The following RGS6 variants were observed in gnomAD, a reference collection of about 807,000 sequenced individuals.
The protein encoded by RGS6 is regulator of G-protein signaling 6.
Under a neutral mutation model 78.5 loss-of-function variants are expected in RGS6, and 30 were observed. The ratio of observed to expected loss-of-function variants is 0.38; its 90% CI spans 0.29 to 0.52. The LOEUF (loss-of-function observed/expected upper bound fraction) is 0.52, where lower values mean the gene tolerates loss of function less well. RGS6 is among the 20% of genes least tolerant of loss of function. RGS6 has a pLI of 0.85. For synonymous variants in RGS6, 206 were observed against 206.0 expected (o/e 1.00, Z 0.00); for missense variants, 495 against 609.7 (o/e 0.81, Z 1.98).
At chr14:72,058,752 A>G (rs1246178090) in intron 2 of RGS6, among the ~76,000 whole-genome samples, 1 of 152,150 alleles carries the variant, frequency 6.6e-6, no homozygotes, top group Non-Finnish European at 1.5e-5. Context: ...TGTTGTGTCA[A>G]TTATCTAACA....
intron 2 of RGS6, among the ~76,000 whole-genome samples, chr14:71,993,961 A>C (rs2095081232): frequency 6.6e-6 from 1 of 151,712 alleles, no homozygotes; most frequent in Admixed American, 6.6e-5. Flanking sequence ...TCTAGGACAG[A>C]AGAACCATTT....
Position 72,289,368 on chromosome 14 carries a change from C to T in RGS6, c.85-62727C>T, listed in dbSNP as rs146299305. On this transcript the variant is annotated intron_variant, in intron 2 of 17. Coordinates refer to ENST00000553525, the MANE Select transcript of RGS6 (RefSeq NM_001204424.2). ...CTCTCTCACTCTCTCTCCCCCTCCC[C>T]GTTTTCCTGTGGTATTGAAAGCTTA... Among the ~76,000 whole-genome samples the T allele has an allele frequency of 1.5e-4, 22 of 151,516 alleles. No homozygotes were observed. The East Asian group carries it at 1.6e-3, about 11-fold the overall frequency.
chr14:72,453,778 G>A (rs941448628), intron 3 of RGS6, among the ~76,000 whole-genome samples: 6 of 151,916 alleles, frequency 3.9e-5, no homozygotes, highest in African/African-American at 7.3e-5. Context: ...CCACATGGGC[G>A]TAATGTCCAT....
chr14:72,250,494 AAAAT>A (rs2055469005), intron 2 of RGS6, among the ~76,000 whole-genome samples: 1 of 152,070 alleles, frequency 6.6e-6, no homozygotes, highest in African/African-American at 2.4e-5. Flanking sequence ...ACTATGAAGT[AAAAT>A]AAATCATAGT....
chr14:72,295,866 A>G (rs1449126688), intron 2 of RGS6, among the ~76,000 whole-genome samples: 1 of 152,226 alleles, frequency 6.6e-6, no homozygotes, highest in African/African-American at 2.4e-5. Context: ...TGTTTCAGTT[A>G]TTTGTTTGTT....
chr14:71,910,626 C>T, the RGS6 span, among the ~76,000 whole-genome samples: 1 of 152,092 alleles, frequency 6.6e-6, no homozygotes, highest in Non-Finnish European at 1.5e-5. Context: ...TACGTTTTTC[C>T]CCCAGCAAGT....
intron 13 of RGS6, among the ~76,000 whole-genome samples, chr14:72,502,943 AT>A (rs2096748052): frequency 1.3e-5 from 2 of 152,094 alleles, no homozygotes; most frequent in Non-Finnish European, 2.9e-5. Context: ...TTATTTCGTA[AT>A]TTTTCTAATA....
chr14:72,114,611 C>T lies in RGS6; in HGVS notation c.84+149736C>T, dbSNP rs543218026. Among the ~76,000 whole-genome samples the T allele has an allele frequency of 3.9e-5, 6 of 152,232 alleles. No individual in the cohort carries two copies. In the South Asian group the frequency reaches 6.2e-4, roughly 16 times the overall value. On this transcript the variant is annotated intron_variant, in intron 2 of 17. Transcript: ENST00000553525. ...GTATCTCAACAATTAAAAAATGGTG[C>T]GGGAGTTACCCAGTAGAATATTTAG... is the stretch of plus-strand genomic sequence containing the variant.
At chr14:72,355,249 A>C (rs543743038) in intron 3 of RGS6, among the ~76,000 whole-genome samples, 2 of 149,996 alleles carry the variant, frequency 1.3e-5, no homozygotes, top group Non-Finnish European at 3.0e-5. Flanking sequence ...GCTGGAGTGC[A>C]GTGGCATGAT....
At chr14:71,990,963 C>A in intron 2 of RGS6, 1 of 416,794 alleles carries the variant, frequency 2.4e-6, no homozygotes, top group Non-Finnish European at 4.8e-6. Flanking sequence ...TTTGACAGGC[C>A]TAATCACTCA....
At chr14:72,405,655 G>C (rs8015756) in intron 3 of RGS6, among the ~76,000 whole-genome samples, 56,431 of 152,086 alleles carry the variant, frequency 0.37, 11,547 homozygotes, top group African/African-American at 0.54. Flanking sequence ...TTGACTGCCT[G>C]TAACCCATGT....
chr14:72,294,914 A>G (rs2152353706), intron 2 of RGS6, among the ~76,000 whole-genome samples: 1 of 152,306 alleles, frequency 6.6e-6, no homozygotes, highest in East Asian at 1.9e-4. Context: ...AAACCATAGC[A>G]GCCACCACTC....
At chr14:71,935,522 T>C (rs2088959218) in intron 1 of RGS6, among the ~76,000 whole-genome samples, 2 of 152,252 alleles carry the variant, frequency 1.3e-5, no homozygotes, top group African/African-American at 2.4e-5. Flanking sequence ...TATTAGTTTT[T>C]ACTGGTGGTC....
At chr14:72,271,499 C>T (rs1267594147) in intron 2 of RGS6, among the ~76,000 whole-genome samples, 1 of 152,182 alleles carries the variant, frequency 6.6e-6, no homozygotes, top group Admixed American at 6.5e-5. Flanking sequence ...GGGCACACAG[C>T]CAAACCATAT....
intron 2 of RGS6, among the ~76,000 whole-genome samples, chr14:72,326,091 A>T (rs992482745): frequency 1.3e-5 from 2 of 152,328 alleles, no homozygotes; most frequent in East Asian, 1.9e-4. Flanking sequence ...ACTTGTGTGA[A>T]TGATGTATGT....
intron 2 of RGS6, among the ~76,000 whole-genome samples, chr14:72,149,914 C>T (rs868044849): frequency 1.3e-5 from 2 of 152,304 alleles, no homozygotes; most frequent in African/African-American, 4.8e-5. Context: ...TATCCTTTAG[C>T]AGATTAAGAT....
downstream of RGS6, among the ~76,000 whole-genome samples, chr14:72,568,920 G>C (rs899258715): frequency 6.6e-6 from 1 of 152,216 alleles, no homozygotes; most frequent in Non-Finnish European, 1.5e-5. Context: ...AATAAAGCCT[G>C]GTTCTTCTCT....
In RGS6 at chr14:72,157,807, A is replaced by C. The variant is rs190075657; in HGVS notation, c.84+192932A>C. 5.9e-5 allele frequency among the ~76,000 whole-genome samples: 9 copies of C among 152,190 alleles called. No homozygotes were observed. The East Asian group carries it at 1.7e-3, about 29-fold the overall frequency. On this transcript the variant is annotated intron_variant, in intron 2 of 17. Transcript: ENST00000553525. Reference sequence around the variant, plus strand: ...GGGAACAATGTAAGTGAGTGTAAAGATGCAGGACCACCATTCCTTTGTTCA... The same window carrying C: ...GGGAACAATGTAAGTGAGTGTAAAGCTGCAGGACCACCATTCCTTTGTTCA...
intron 2 of RGS6, among the ~76,000 whole-genome samples, chr14:72,017,628 A>T (rs2087339242): frequency 1.3e-5 from 2 of 152,218 alleles, no homozygotes; most frequent in Admixed American, 1.3e-4. Context: ...GCCTATCTTC[A>T]CAAAACAGGG....
Sources: gnomAD v4.1 joint callset for allele counts (sites outside exome capture counted in the v4.1 genomes callset) on GRCh38, gnomAD v4.1.1 for gene constraint, MANE v1.5 for transcripts, NCBI Gene and HGNC (gene_info 2026-07-23, HGNC 2026-07-21) for gene names.